The following SLC14A2 variants were observed in gnomAD, a reference collection of about 807,000 sequenced individuals.
SLC14A2 encodes the protein urea transporter 2.
A neutral mutation model predicts 104.6 loss-of-function variants in SLC14A2; 91 were observed. The observed-to-expected ratio is 0.87, with a 90% CI of 0.73 to 1.04. The LOEUF (loss-of-function observed/expected upper bound fraction) is 1.04. Among genes scored for constraint, SLC14A2 ranks in the 50% least tolerant of loss-of-function variants. The pLI, the probability that SLC14A2 is intolerant of heterozygous loss-of-function variation, is 0.00. For synonymous variants in SLC14A2, 476 were observed against 466.4 expected (o/e 1.02, Z -0.27); for missense variants, 1,189 against 1,156.0 (o/e 1.03, Z -0.41).
intron 1 of SLC14A2, among the ~76,000 whole-genome samples, chr18:45,358,916 C>T (rs985146336): frequency 2.6e-5 from 4 of 152,142 alleles, no homozygotes; most frequent in Non-Finnish European, 5.9e-5. Context: ...ATGACCAAAC[C>T]GGTATAGCAC....
chr18:45,291,832 G>C lies in SLC14A2; in HGVS notation c.-125+78641G>C, dbSNP rs147569937. Reference sequence around the variant, plus strand: ...TTCTGGGTTTCTCCGGGGGCGGTTGGGGGGGTGGGGAACGCTTTGGAGAAA... The same window carrying C: ...TTCTGGGTTTCTCCGGGGGCGGTTGCGGGGGTGGGGAACGCTTTGGAGAAA... On this transcript the variant is annotated intron_variant, in intron 1 of 20. Coordinates refer to the SLC14A2 transcript ENST00000586448. Among the ~76,000 whole-genome samples the C allele has an allele frequency of 9.2e-5, 14 of 152,076 alleles. No individual in the cohort carries two copies. The East Asian group carries it at 9.7e-4, about 10-fold the overall frequency.
intron 1 of SLC14A2, among the ~76,000 whole-genome samples, chr18:45,622,450 T>G (rs1320492166): frequency 6.6e-6 from 1 of 151,980 alleles, no homozygotes; most frequent in Admixed American, 6.6e-5. Context: ...ACTTGGAACG[T>G]CTATATGTGA....
At chr18:45,178,648 T>C in the SLC14A2 span, among the ~76,000 whole-genome samples, 3 of 152,206 alleles carry the variant, frequency 2.0e-5, no homozygotes, top group African/African-American at 7.2e-5. Flanking sequence ...ATCAATCCCT[T>C]GTGTTGTGCC....
chr18:45,586,385 G>A (rs558352357), intron 2 of SLC14A2, among the ~76,000 whole-genome samples: 9 of 152,214 alleles, frequency 5.9e-5, no homozygotes, highest in Non-Finnish European at 1.0e-4. Flanking sequence ...GGGAGAAATC[G>A]CTAGAAGCTG....
intron 2 of SLC14A2, among the ~76,000 whole-genome samples, chr18:45,538,964 C>T (rs941471415): frequency 8.6e-5 from 13 of 150,604 alleles, no homozygotes; most frequent in Non-Finnish European, 1.5e-4. Context: ...CCTGCCACAG[C>T]TTTGCTGATC....
chr18:45,192,631 TGTGTGG>T, the SLC14A2 span, among the ~76,000 whole-genome samples: 1 of 105,744 alleles, frequency 9.5e-6, no homozygotes, highest in South Asian at 3.0e-4. Flanking sequence ...TGTGTGTGTG[TGTGTGG>T]TTTTTTTTTG....
In SLC14A2 at chr18:45,343,246, C is replaced by G. The variant is rs545493775; in HGVS notation, c.-125+130055C>G. ...ATTGAAGGTTGCATTGTGTCTCTCT[C>G]TCAGCTCTGAGACTCTGCATCTGAA... is the stretch of plus-strand genomic sequence containing the variant. On this transcript the variant is annotated intron_variant, in intron 1 of 20. Coordinates refer to the SLC14A2 transcript ENST00000586448. Among the ~76,000 whole-genome samples, 49 of 151,294 alleles carry G rather than the reference C, an allele frequency of 3.2e-4. No homozygotes were observed. In the South Asian group the frequency reaches 3.6e-3, roughly 11 times the overall value.
intron 1 of SLC14A2, among the ~76,000 whole-genome samples, chr18:45,622,646 G>A (rs949964792): frequency 3.9e-5 from 6 of 152,128 alleles, no homozygotes; most frequent in Admixed American, 6.5e-5. Flanking sequence ...CCTGTTACAC[G>A]AAGAAGAGCC....
intron 1 of SLC14A2, among the ~76,000 whole-genome samples, chr18:45,426,012 C>A (rs1470468654): frequency 1.3e-5 from 2 of 152,140 alleles, no homozygotes; most frequent in African/African-American, 4.8e-5. Context: ...TCTCTTACAT[C>A]CTTTTTGTCA....
chr18:45,566,861 G>C (rs1292993590), intron 2 of SLC14A2, among the ~76,000 whole-genome samples: 1 of 152,156 alleles, frequency 6.6e-6, no homozygotes, highest in Non-Finnish European at 1.5e-5. Flanking sequence ...TAGAAGTCAA[G>C]GTGAGAAGCT....
At chr18:45,282,623 AGCACATCT>A (rs1412722699) in intron 1 of SLC14A2, among the ~76,000 whole-genome samples, 1 of 152,134 alleles carries the variant, frequency 6.6e-6, no homozygotes, top group Non-Finnish European at 1.5e-5. Flanking sequence ...TCTACCCTGG[AGCACATCT>A]GCACATCTAG....
chr18:45,232,949 G>T (rs2144025043), intron 1 of SLC14A2, among the ~76,000 whole-genome samples: 1 of 152,326 alleles, frequency 6.6e-6, no homozygotes, highest in South Asian at 2.1e-4. Context: ...GAAGGTATAG[G>T]TTGACTTCTT....
chr18:45,304,546 T>G (rs1219890684), intron 1 of SLC14A2, among the ~76,000 whole-genome samples: 2 of 152,248 alleles, frequency 1.3e-5, no homozygotes, highest in Admixed American at 6.5e-5. Flanking sequence ...TTTCTGCCAC[T>G]TCATGGTTAG....
At chr18:45,529,934 C>A (rs2043656333) in intron 2 of SLC14A2, 1 of 152,122 alleles carries the variant, frequency 6.6e-6, no homozygotes, top group African/African-American at 2.4e-5. Flanking sequence ...AAGCCAGGCA[C>A]CAAGATGGTT....
At chr18:45,438,430 C>T (rs990643245) in intron 1 of SLC14A2, 1 of 151,992 alleles carries the variant, frequency 6.6e-6, no homozygotes, top group Non-Finnish European at 1.5e-5. Context: ...CAAACTAGTT[C>T]GAGAGGGTTC....
upstream of SLC14A2, among the ~76,000 whole-genome samples, chr18:45,209,603 G>T (rs1043887040): frequency 1.3e-5 from 2 of 151,252 alleles, no homozygotes; most frequent in Non-Finnish European, 2.9e-5. Context: ...ATGTCTTAAA[G>T]ATTATTCTTG....
chr18:45,264,805 T>C, intron 1 of SLC14A2, among the ~76,000 whole-genome samples: 1 of 152,142 alleles, frequency 6.6e-6, no homozygotes, highest in Admixed American at 6.6e-5. Flanking sequence ...CAATTCAAGA[T>C]GAGATTTGGA....
At chr18:45,329,553 G>T (rs1028750523) in intron 1 of SLC14A2, among the ~76,000 whole-genome samples, 3 of 152,144 alleles carry the variant, frequency 2.0e-5, no homozygotes, top group Non-Finnish European at 2.9e-5. Context: ...TATAAGGAGG[G>T]GGTAAGACTC....
At chr18:45,654,818 A>C (rs376228997) in intron 10 of SLC14A2, among the ~76,000 whole-genome samples, 36 of 152,216 alleles carry the variant, frequency 2.4e-4, no homozygotes, top group African/African-American at 8.4e-4. Flanking sequence ...CCTCACCACC[A>C]CACACACCCA....
Sources: gnomAD v4.1 joint callset for allele counts (sites outside exome capture counted in the v4.1 genomes callset) on GRCh38, gnomAD v4.1.1 for gene constraint, MANE v1.5 for transcripts, NCBI Gene and HGNC (gene_info 2026-07-23, HGNC 2026-07-21) for gene names.